The following DCAF6 variants were observed in gnomAD, a reference collection of about 807,000 sequenced individuals.
DCAF6 encodes DDB1- and CUL4-associated factor 6.
Under a neutral mutation model 125.1 loss-of-function variants are expected in DCAF6, and 54 were observed. The observed-to-expected ratio is 0.43, with a 90% CI of 0.35 to 0.54. The LOEUF (loss-of-function observed/expected upper bound fraction) is 0.54, where lower values mean the gene tolerates loss of function less well. DCAF6 is among the 20% of genes least tolerant of loss of function. DCAF6 has a pLI of 0.01. For synonymous variants in DCAF6, 371 were observed against 390.4 expected (o/e 0.95, Z 0.58); for missense variants, 934 against 1,161.7 (o/e 0.80, Z 2.85).
chr1:167,941,486 ATGTGGCAACC>A lies in DCAF6; in HGVS notation c.97+4483_97+4492del, dbSNP rs544391651. On this transcript the variant is annotated intron_variant, in intron 1 of 21. Transcript: ENST00000367840. ...AATGATCCATGATAAAAGTACATTT[ATGTGGCAACC>A]TGTGATATACACAACGAAAATAAAG... Among the ~76,000 whole-genome samples the A allele has an allele frequency of 5.3e-5, 8 of 152,366 alleles. No homozygotes were observed. The South Asian group carries it at 1.7e-3, about 32-fold the overall frequency.
At chr1:167,976,273 G>A (rs559929328) in intron 4 of DCAF6, among the ~76,000 whole-genome samples, 3 of 152,052 alleles carry the variant, frequency 2.0e-5, no homozygotes, top group East Asian at 3.9e-4. Context: ...ATTTGAGACC[G>A]GCCTGGCCAA....
rs1571549981 is a variant in DCAF6 at position 167,938,263 on chromosome 1, T to C, written c.97+1255T>C. Among the ~76,000 whole-genome samples, 3 of 114,908 alleles carry C rather than the reference T, an allele frequency of 2.6e-5. No homozygotes were observed. In the East Asian group the frequency reaches 6.0e-4, roughly 23 times the overall value. The allele number at this position is 114,908 out of a possible 152,430, so 75.4% of individuals were successfully genotyped here. A position where few individuals can be genotyped will look rare whatever the true frequency, so the allele number is the denominator to read the frequency against. ...ATGTACATGTACAAATGCTGGGGTG[T>C]GTGTGTGTTTGTGTGTGTATGAGAG... On this transcript the variant is annotated intron_variant, in intron 1 of 21. Coordinates refer to ENST00000367840, the MANE Select transcript of DCAF6 (RefSeq NM_001198956.2).
intron 10 of DCAF6, among the ~76,000 whole-genome samples, chr1:168,007,651 A>G (rs534861122): frequency 9.2e-5 from 14 of 152,118 alleles, no homozygotes; most frequent in Non-Finnish European, 2.1e-4. Context: ...CTTGGTATCT[A>G]TGATATCATA....
At chr1:167,994,108 TA>T (rs1681285638) in intron 7 of DCAF6, among the ~76,000 whole-genome samples, 1 of 152,012 alleles carries the variant, frequency 6.6e-6, no homozygotes, top group African/African-American at 2.4e-5. Flanking sequence ...CGTCTATTCT[TA>T]ATAATGTATT....
rs550026827 is a variant in DCAF6, at chr1:167,941,741, A to T, written c.97+4733A>T. 9.0e-3 allele frequency among the ~76,000 whole-genome samples: 1,363 copies of T among 152,072 alleles called. 8 individuals are homozygous for T. The highest frequency in any genetic ancestry group is 0.027 in the South Asian group (132 of 4,816). On this transcript the variant is annotated intron_variant, in intron 1 of 21. Transcript: ENST00000367840. The stretch of plus-strand genomic sequence containing the variant: ...CAAGTACTTGAAGGAGATTAAAAAA[A>T]TTTTTTTTTAAACACTGCTGATGGC...
At chr1:167,983,098 A>G (rs2102953933) in intron 4 of DCAF6, among the ~76,000 whole-genome samples, 1 of 152,304 alleles carries the variant, frequency 6.6e-6, no homozygotes, top group Non-Finnish European at 1.5e-5. Flanking sequence ...AAGTAATGTG[A>G]TACCTCTGGC....
chr1:168,017,125 A>AT (rs933476852), intron 11 of DCAF6, among the ~76,000 whole-genome samples: 189 of 147,262 alleles, frequency 1.3e-3, no homozygotes, highest in East Asian at 3.0e-3. Context: ...GAGGCCTCTG[A>AT]TTTTTTTTTT....
At chr1:168,029,885 T>G (rs944325023) in intron 12 of DCAF6, among the ~76,000 whole-genome samples, 15 of 149,288 alleles carry the variant, frequency 1.0e-4, no homozygotes, top group Non-Finnish European at 1.8e-4. Context: ...GAGGCTGAGG[T>G]GGGAGAATGG....
chr1:168,044,433 C>T (rs1688908288), intron 14 of DCAF6, 152 bp from the exon 15 acceptor site: 1 of 601,600 alleles, frequency 1.7e-6, no homozygotes, highest in Admixed American at 2.9e-5. Context: ...AGATAATTTA[C>T]AGTATAAGGA....
chr1:167,950,461 C>G (rs1673751470), intron 1 of DCAF6, among the ~76,000 whole-genome samples: 1 of 152,140 alleles, frequency 6.6e-6, no homozygotes, highest in South Asian at 2.1e-4. Context: ...TAGAGCATCT[C>G]CCTCCCCAAA....
intron 2 of DCAF6, among the ~76,000 whole-genome samples, chr1:167,964,069 T>C (rs1252309805): frequency 6.6e-6 from 1 of 152,226 alleles, no homozygotes; most frequent in Non-Finnish European, 1.5e-5. Context: ...AATAAAATAA[T>C]TTGTTAGCTC....
intron 1 of DCAF6, among the ~76,000 whole-genome samples, chr1:167,941,310 A>G (rs757865155): frequency 3.3e-5 from 5 of 152,224 alleles, no homozygotes; most frequent in Non-Finnish European, 5.9e-5. Flanking sequence ...CATAACAACC[A>G]TAGACACTAT....
chr1:167,878,402 C>T, the DCAF6 span: 1 of 1,596,374 alleles, frequency 6.3e-7, no homozygotes, highest in Non-Finnish European at 8.6e-7. Context: ...AATTCTCCCG[C>T]TTCTTTACTA....
intron 20 of DCAF6, among the ~76,000 whole-genome samples, chr1:168,067,476 A>G (rs1692482758): frequency 6.6e-6 from 1 of 152,170 alleles, no homozygotes; most frequent in Admixed American, 6.5e-5. Flanking sequence ...AGAATTGGAC[A>G]GAAGTCTGAG....
At chr1:167,870,382 C>T in the DCAF6 span, 2 of 1,610,676 alleles carry the variant, frequency 1.2e-6, no homozygotes, top group South Asian at 2.2e-5. Flanking sequence ...TCATAGTATA[C>T]ATGAAGTAGT....
chr1:167,995,164 T>C (rs571373686), intron 7 of DCAF6, among the ~76,000 whole-genome samples: 2 of 152,302 alleles, frequency 1.3e-5, no homozygotes, highest in Admixed American at 6.5e-5. Flanking sequence ...AGTAAAGTTA[T>C]AGTCAAACTG....
intron 5 of DCAF6, among the ~76,000 whole-genome samples, chr1:167,988,531 T>G (rs1178323381): frequency 6.6e-6 from 1 of 152,180 alleles, no homozygotes; most frequent in Non-Finnish European, 1.5e-5. Context: ...CCCAGACAAG[T>G]AATTCCAAGT....
At chr1:167,969,615 A>G (rs1349074462) in intron 3 of DCAF6, among the ~76,000 whole-genome samples, 1 of 151,278 alleles carries the variant, frequency 6.6e-6, no homozygotes, top group Admixed American at 6.6e-5. Context: ...TGTATCATCT[A>G]TCAGCTGAAA....
chr1:167,954,494 C>T (rs1674456252), intron 2 of DCAF6, among the ~76,000 whole-genome samples: 1 of 151,208 alleles, frequency 6.6e-6, no homozygotes, highest in Non-Finnish European at 1.5e-5. Flanking sequence ...GCTGTGCCAC[C>T]CAGGCTGGAG....
Sources: allele counts gnomAD v4.1 joint callset (sites outside exome capture counted in the v4.1 genomes callset), GRCh38; gene constraint gnomAD v4.1.1; transcripts MANE v1.5; gene names NCBI Gene and HGNC (gene_info 2026-07-23, HGNC 2026-07-21).